The following ACAN variants were observed in gnomAD, a reference collection of about 807,000 sequenced individuals.
ACAN encodes aggrecan, also known as aggrecan core protein.
In ACAN, 47 loss-of-function variants were observed where a neutral mutation model predicts 169.1. That is an observed-to-expected ratio of 0.28 (90% CI 0.22 to 0.35). The LOEUF is 0.35. ACAN is among the 10% of genes least tolerant of loss of function. ACAN has a pLI of 1.00. For missense variants in ACAN, 2,716 were observed against 2,759.9 expected (o/e 0.98, Z 0.36); for synonymous variants, 1,115 against 1,112.2 (o/e 1.00, Z -0.05).
Position 88,855,489 on chromosome 15 carries a change from T to C in ACAN, c.2904T>C (p.Ser968=). ...GAGAAGTTCTAGAGACCTCTGCCTC[T>C]GGAGTAGGAGACCTCAGTGGGCTTC... ...PSGEVLETSA[S]GVGDLSGLPS... is the part of the protein sequence containing the mutation. Residue 968 remains serine (S), a synonymous_variant, in exon 12 of 19, where the codon TCT becomes TCC. Coordinates refer to ENST00000560601, the MANE Select transcript of ACAN (RefSeq NM_001369268.1). The C allele has an allele frequency of 6.2e-7, 1 of 1,613,610 alleles. No individual in the cohort carries two copies. The highest frequency in any genetic ancestry group is 8.5e-7 in the Non-Finnish European group (1 of 1,179,764).
chr15:88,812,124 G>A (rs958904364), intron 1 of ACAN, among the ~76,000 whole-genome samples: 11 of 152,150 alleles, frequency 7.2e-5, no homozygotes, highest in East Asian at 5.8e-4. Flanking sequence ...CCTAGCCCTC[G>A]GGTTAGCGCC....
intron 1 of ACAN, among the ~76,000 whole-genome samples, chr15:88,812,056 C>T (rs1895834472): frequency 6.6e-6 from 1 of 152,164 alleles, no homozygotes; most frequent in East Asian, 1.9e-4. Context: ...GCCTCCACAC[C>T]CACTCCTGAG....
Position 88,820,174 on chromosome 15 carries a change from A to G in ACAN, c.-7-16026A>G, listed in dbSNP as rs910318237. Among the ~76,000 whole-genome samples the G allele has an allele frequency of 2.6e-5, 4 of 152,154 alleles. No individual in the cohort carries two copies. The East Asian group carries it at 7.7e-4, about 29-fold the overall frequency. On this transcript the variant is annotated intron_variant, in intron 1 of 18. Coordinates refer to ENST00000560601, the MANE Select transcript of ACAN (RefSeq NM_001369268.1). ...GCAATTTTTAAAGGACGTAGTTGTGATAGGTGCTCACAGATGAGTTATAGA... is the reference window on the plus strand; with the variant it reads ...GCAATTTTTAAAGGACGTAGTTGTGGTAGGTGCTCACAGATGAGTTATAGA...
rs150185314 is a variant in ACAN, at chr15:88,865,510, T to A, written c.6947-2706T>A. Among the ~76,000 whole-genome samples the A allele has an allele frequency of 2.0e-5, 3 of 152,362 alleles. No homozygotes were observed. In the East Asian group the frequency reaches 5.8e-4, roughly 29 times the overall value. On this transcript the variant is annotated intron_variant, in intron 13 of 18. Coordinates refer to ENST00000560601, the MANE Select transcript of ACAN (RefSeq NM_001369268.1). ...GTTTTCTCACCTGTAAATGGCATAG[T>A]GACGTCTTGCCACCTGGCCATTGGA...
At position 88,840,200 on chromosome 15, in the gene ACAN, C is replaced by A; in HGVS notation, c.629+14C>A. 1 of 1,577,532 alleles carries A rather than the reference C, an allele frequency of 6.3e-7. No homozygotes were observed. Among genetic ancestry groups the A allele is most frequent in the East Asian group, 2.3e-5 (1 of 43,868 alleles). ...CCAGACTGTCAGGTGAGCCCTAGCC[C>A]ATCAGCTAGTGGGGGCCAGGAGTCA... On this transcript the variant is annotated intron_variant, in intron 4 of 18. Transcript: ENST00000560601.
rs1395444440 is a variant in ACAN, at chr15:88,847,247, C to T, written c.1434C>T (p.Val478=). The T allele has an allele frequency of 3.9e-6, 6 of 1,547,590 alleles. No homozygotes were observed. The highest frequency in any genetic ancestry group is 2.2e-4 in the Middle Eastern group (1 of 4,618). The part of the protein sequence containing the change: ...VPGQPHLPGG[V]VFHYRPGPTR... ...CGCTCCCTCCTCCCCACCCAGGGGT[C>T]GTCTTCCACTACCGCCCGGGACCCA... The change falls in exon 8 of 19, where the codon GTC becomes GTT. Residue 478 remains valine, a synonymous_variant. Transcript: ENST00000560601.
chr15:88,842,401 A>G (rs12908947), intron 5 of ACAN, among the ~76,000 whole-genome samples: 110,810 of 152,026 alleles, frequency 0.73, 41,493 homozygotes, highest in African/African-American at 0.9. Context: ...CACCAGTTTT[A>G]GTCACAGAGT....
chr15:88,838,442 G>A lies in ACAN; in HGVS notation c.71-221G>A, dbSNP rs555791828. ...AGCTCCATAGTTTCTGTCTCGAGAT[G>A]CAGAGGCCAGGGGTCTTGAGGAACA... On this transcript the variant is annotated intron_variant, in intron 2 of 18. Coordinates refer to ENST00000560601, the MANE Select transcript of ACAN (RefSeq NM_001369268.1). The surrounding 1 kb of genome is among the most constrained non-coding windows in gnomAD (Gnocchi z 5.1). Among the ~76,000 whole-genome samples, 1 of 152,180 alleles carries A rather than the reference G, an allele frequency of 6.6e-6. No individual in the cohort carries two copies. Among genetic ancestry groups the A allele is most frequent in the Admixed American group, 6.5e-5 (1 of 15,300 alleles).
intron 1 of ACAN, among the ~76,000 whole-genome samples, chr15:88,829,353 G>A (rs1311572481): frequency 6.6e-6 from 1 of 152,132 alleles, no homozygotes; most frequent in African/African-American, 2.4e-5. Context: ...TGAGTTTCCT[G>A]GTGAGTTAGG....
rs1483943463 is a variant in ACAN at position 88,838,901 on chromosome 15, G to A, written c.309G>A (p.Lys103=). The A allele has an allele frequency of 6.8e-6, 11 of 1,613,934 alleles. No individual in the cohort carries two copies. The highest frequency in any genetic ancestry group is 9.3e-6 in the Non-Finnish European group (11 of 1,179,914). ...GGGTCAACAGTGCCTATCAGGACAA[G>A]GTCTCACTGCCCAACTACCCGGCCA... ...RVRVNSAYQD[K]VSLPNYPAIP... Residue 103 remains lysine, a synonymous_variant, in exon 3 of 19, where the codon AAG becomes AAA. Transcript: ENST00000560601. This position sits in a 1 kb window ranked among gnomAD's most constrained non-coding sequence, Gnocchi z 5.1.
At chr15:88,828,259 A>G (rs1896274551) in intron 1 of ACAN, among the ~76,000 whole-genome samples, 1 of 152,210 alleles carries the variant, frequency 6.6e-6, no homozygotes, top group African/African-American at 2.4e-5. Context: ...GTGAAAGGAC[A>G]GGGCCAGACC....
At chr15:88,833,979 C>G (rs1896435674) in intron 1 of ACAN, among the ~76,000 whole-genome samples, 2 of 152,174 alleles carry the variant, frequency 1.3e-5, no homozygotes, top group African/African-American at 4.8e-5. Context: ...AAGAGAGGAG[C>G]CGGAAAGTCT....
At chr15:88,825,655 CAA>C (rs1190411269) in intron 1 of ACAN, among the ~76,000 whole-genome samples, 1 of 152,146 alleles carries the variant, frequency 6.6e-6, no homozygotes, top group Admixed American at 6.5e-5. Flanking sequence ...AGGTCCAAGT[CAA>C]AGAGGTATTA....
intron 13 of ACAN, among the ~76,000 whole-genome samples, chr15:88,862,997 C>CAAAAA (rs57598410): frequency 1.4e-5 from 1 of 73,798 alleles, no homozygotes; most frequent in Non-Finnish European, 2.9e-5. Context: ...CACTCGGTCT[C>CAAAAA]AAAAAAAAAA....
intron 1 of ACAN, among the ~76,000 whole-genome samples, chr15:88,829,969 T>C (rs12900808): frequency 0.62 from 94,238 of 151,694 alleles, 29,593 homozygotes; most frequent in Middle Eastern, 0.73. Flanking sequence ...TGCTAAACAG[T>C]GTGTAGAAAG....
Position 88,873,098 on chromosome 15 carries a change from T to G in ACAN, c.7447+73T>G. 1.9e-6 allele frequency: 3 copies of G among 1,540,938 alleles called. No homozygotes were observed. Among genetic ancestry groups the G allele is most frequent in the Non-Finnish European group, 2.6e-6 (3 of 1,139,184 alleles). ...CCAGCTACAGGTGAGGCTCTTGCTG[T>G]GTGGCCTGGGGTGAGTCCCTTGTCT... On this transcript the variant is annotated intron_variant, in intron 17 of 18. Coordinates refer to ENST00000560601, the MANE Select transcript of ACAN (RefSeq NM_001369268.1). This position sits in a 1 kb window ranked among gnomAD's most constrained non-coding sequence, Gnocchi z 7.5.
rs369426643 is a variant in ACAN, at chr15:88,858,058, G to C, written c.5473G>C (p.Glu1825Gln). 3 of 1,613,980 alleles carry C rather than the reference G, an allele frequency of 1.9e-6. No individual in the cohort carries two copies. Among genetic ancestry groups the C allele is most frequent in the Non-Finnish European group, 2.5e-6 (3 of 1,179,900 alleles). The change falls in exon 12 of 19, where the codon GAA becomes CAA. Residue 1825 changes from glutamate (E) to glutamine (Q), a missense_variant. Coordinates refer to ENST00000560601, the MANE Select transcript of ACAN (RefSeq NM_001369268.1). This position sits in a 1 kb window ranked among gnomAD's most constrained non-coding sequence, Gnocchi z 4.0. ...LVSGTTSGSGESSGITFVDTS... is the reference protein window; with the variant it reads ...LVSGTTSGSGQSSGITFVDTS... ...TTCTGGTACCACGAGTGGCAGCGGT[G>C]AATCTTCTGGGATTACATTTGTGGA...
chr15:88,859,670 G>A (rs1897152379), intron 12 of ACAN, among the ~76,000 whole-genome samples: 1 of 152,226 alleles, frequency 6.6e-6, no homozygotes, highest in South Asian at 2.1e-4. Flanking sequence ...ATCACGCTCT[G>A]CATGCAGTGC....
chr15:88,852,881 A>T (rs1596142532), intron 11 of ACAN, among the ~76,000 whole-genome samples: 1 of 152,364 alleles, frequency 6.6e-6, no homozygotes, highest in East Asian at 1.9e-4. Context: ...GGGTATGTGC[A>T]TCTGAAGAAA....
Sources: allele counts gnomAD v4.1 joint callset (sites outside exome capture counted in the v4.1 genomes callset), GRCh38; gene constraint gnomAD v4.1.1; non-coding constraint Gnocchi (gnomAD v3.1); transcripts MANE v1.5; gene names NCBI Gene and HGNC (gene_info 2026-07-23, HGNC 2026-07-21).